The following SLC39A14 variants were observed in gnomAD, a reference collection of about 807,000 sequenced individuals.
The protein encoded by SLC39A14 is metal cation symporter ZIP14.
Under a neutral mutation model 45.5 loss-of-function variants are expected in SLC39A14, and 19 were observed. That is an observed-to-expected ratio of 0.42 (90% CI 0.29 to 0.61). The LOEUF is 0.61. Ranked by LOEUF, SLC39A14 falls within the 20% of genes least tolerant of loss-of-function variation. The pLI is 0.22. For missense variants in SLC39A14, 447 were observed against 616.5 expected (o/e 0.73, Z 2.91); for synonymous variants, 264 against 251.3 (o/e 1.05, Z -0.48).
chr8:22,415,927 G>A lies in SLC39A14; in HGVS notation c.909G>A (p.Glu303=). ...ELDGKAPMVD[E]KVIVGSLSVQ... ...ACGGCAAGGCGCCCATGGTGGACGA[G>A]AAGGTCATTGTGGGCTCGCTCTCTG... Residue 303 remains glutamate (E), a synonymous_variant, in exon 6 of 9, where the codon GAG becomes GAA. Coordinates refer to ENST00000381237, the MANE Select transcript of SLC39A14 (RefSeq NM_001128431.4). The A allele has an allele frequency of 6.2e-7, 1 of 1,608,092 alleles. No individual in the cohort carries two copies. Among genetic ancestry groups the A allele is most frequent in the Non-Finnish European group, 8.5e-7 (1 of 1,176,632 alleles).
At chr8:22,392,401 G>A (rs1465569355) in intron 1 of SLC39A14, among the ~76,000 whole-genome samples, 2 of 152,162 alleles carry the variant, frequency 1.3e-5, no homozygotes, top group Non-Finnish European at 2.9e-5. Context: ...GGCACGTCGT[G>A]TTGTCCAGTG....
chr8:22,379,499 CAG>C (rs1489791833), intron 1 of SLC39A14: 1 of 152,260 alleles, frequency 6.6e-6, no homozygotes, highest in Non-Finnish European at 1.5e-5. Context: ...CATGGTGACA[CAG>C]ATCTGAAAAC....
chr8:22,418,276 C>T (rs1325864986), intron 8 of SLC39A14, among the ~76,000 whole-genome samples: 2 of 152,116 alleles, frequency 1.3e-5, no homozygotes, highest in African/African-American at 4.8e-5. Context: ...TAAGGTGTAC[C>T]TACCATTCAG....
At chr8:22,370,960 T>G (rs986858680) in intron 1 of SLC39A14, among the ~76,000 whole-genome samples, 2 of 152,134 alleles carry the variant, frequency 1.3e-5, no homozygotes, top group African/African-American at 4.8e-5. Flanking sequence ...CATGCCCACC[T>G]AGGGGACAGG....
Position 22,420,049 on chromosome 8 carries a change from A to T in SLC39A14, c.*351A>T. On this transcript the variant is annotated 3_prime_UTR_variant, in exon 9 of 9. Coordinates refer to ENST00000381237, the MANE Select transcript of SLC39A14 (RefSeq NM_001128431.4). ...AAGGTTTTGAATCCTTTACCCAACA[A>T]TGCAAAAATAGAGCCAATGGTTATA... 2.0e-6 allele frequency: 2 copies of T among 1,012,662 alleles called. No individual in the cohort carries two copies. The highest frequency in any genetic ancestry group is 2.4e-6 in the Non-Finnish European group (2 of 847,586). 62.7% of individuals were successfully genotyped at this position (1,012,662 alleles called of 1,614,324 possible). A position where few individuals can be genotyped will look rare whatever the true frequency, so the allele number is the denominator to read the frequency against.
chr8:22,375,093 C>G (rs1833141314), intron 1 of SLC39A14, among the ~76,000 whole-genome samples: 1 of 152,146 alleles, frequency 6.6e-6, no homozygotes, highest in South Asian at 2.1e-4. Context: ...TCCATGTCCT[C>G]TGTACCAGTC....
chr8:22,431,793 T>C (rs1836471170), intron 8 of SLC39A14, among the ~76,000 whole-genome samples: 1 of 152,234 alleles, frequency 6.6e-6, no homozygotes, highest in African/African-American at 2.4e-5. Flanking sequence ...ATCCACCAGC[T>C]GAATGAAATT....
chr8:22,418,259 G>A (rs905037728), intron 8 of SLC39A14, among the ~76,000 whole-genome samples: 2 of 152,118 alleles, frequency 1.3e-5, no homozygotes, highest in South Asian at 2.1e-4. Context: ...CACAGAGTTC[G>A]TCTGTTTAAG....
intron 1 of SLC39A14, among the ~76,000 whole-genome samples, chr8:22,372,947 C>T (rs1041137517): frequency 1.3e-5 from 2 of 151,624 alleles, no homozygotes; most frequent in Non-Finnish European, 2.9e-5. Flanking sequence ...AAAAATAAGG[C>T]GATTACACGT....
At chr8:22,409,310 A>C (rs1835423217) in intron 3 of SLC39A14, among the ~76,000 whole-genome samples, 1 of 152,034 alleles carries the variant, frequency 6.6e-6, no homozygotes, top group Non-Finnish European at 1.5e-5. Context: ...CGGCACCCGG[A>C]ATATACTGTC....
intron 1 of SLC39A14, among the ~76,000 whole-genome samples, chr8:22,395,737 G>C (rs1197734988): frequency 6.6e-6 from 1 of 152,194 alleles, no homozygotes; most frequent in East Asian, 1.9e-4. Flanking sequence ...ATTCCTCCGT[G>C]TGGAGCAGTG....
At chr8:22,369,922 G>T (rs1174565701) in intron 1 of SLC39A14, among the ~76,000 whole-genome samples, 5 of 152,136 alleles carry the variant, frequency 3.3e-5, no homozygotes, top group Non-Finnish European at 7.4e-5. Flanking sequence ...CTCTTCCTTG[G>T]CAACATGGAT....
At chr8:22,397,402 G>A (rs868279434) in intron 1 of SLC39A14, among the ~76,000 whole-genome samples, 5 of 152,252 alleles carry the variant, frequency 3.3e-5, no homozygotes, top group South Asian at 4.1e-4. Flanking sequence ...CACAGTGAAA[G>A]CCGGTCTCTA....
chr8:22,421,919 G>C lies in SLC39A14; in HGVS notation c.*2221G>C, dbSNP rs1836249706. 1.0e-6 allele frequency: 1 copy of C among 985,410 alleles called. No homozygotes were observed. Among genetic ancestry groups the C allele is most frequent in the Non-Finnish European group, 1.2e-6 (1 of 829,926 alleles). 61.0% of individuals were successfully genotyped at this position (985,410 alleles called of 1,614,324 possible). A position where few individuals can be genotyped will look rare whatever the true frequency, so the allele number is the denominator to read the frequency against. On this transcript the variant is annotated 3_prime_UTR_variant, in exon 9 of 9. Transcript: ENST00000381237. ...AAGAAATTTCCTTCCATAGACAGCTGCCTCAAAGGGAAATCCTCTTTAAAC... is the reference window on the plus strand; with the variant it reads ...AAGAAATTTCCTTCCATAGACAGCTCCCTCAAAGGGAAATCCTCTTTAAAC...
At chr8:22,374,048 A>G (rs1833078919) in intron 1 of SLC39A14, among the ~76,000 whole-genome samples, 1 of 152,208 alleles carries the variant, frequency 6.6e-6, no homozygotes, top group Non-Finnish European at 1.5e-5. Context: ...CTGGGACTAA[A>G]GGCGTGAGCC....
rs142812632 is a variant in SLC39A14 at position 22,396,600 on chromosome 8, A to AC, written c.-15-8096_-15-8095insC. ...AGAGAGAGAGAGAGAGAGAGAGAGAAGACTAAGTGGAATTTGGAATTGGAT... is the reference window on the plus strand; with the variant it reads ...AGAGAGAGAGAGAGAGAGAGAGAGAACGACTAAGTGGAATTTGGAATTGGAT... On this transcript the variant is annotated intron_variant, in intron 1 of 8. Transcript: ENST00000381237. 7.5e-4 allele frequency among the ~76,000 whole-genome samples: 19 copies of AC among 25,168 alleles called. 7 individuals carry two copies. The highest frequency in any genetic ancestry group is 1.3e-3 in the African/African-American group (16 of 12,090). 16.5% of individuals were successfully genotyped at this position (25,168 alleles called of 152,430 possible).
At chr8:22,428,421 T>G (rs955585346) in intron 8 of SLC39A14, among the ~76,000 whole-genome samples, 4 of 151,738 alleles carry the variant, frequency 2.6e-5, no homozygotes, top group Non-Finnish European at 4.4e-5. Flanking sequence ...AAAAATTTTG[T>G]GTTCCTCGGT....
intron 1 of SLC39A14, among the ~76,000 whole-genome samples, chr8:22,375,009 G>C (rs1424545756): frequency 1.3e-5 from 2 of 151,760 alleles, no homozygotes; most frequent in Non-Finnish European, 2.9e-5. Flanking sequence ...GCCTCCCAGA[G>C]TGCTGGGATT....
intron 7 of SLC39A14, among the ~76,000 whole-genome samples, chr8:22,417,444 T>C (rs1047385603): frequency 1.3e-5 from 2 of 152,160 alleles, no homozygotes; most frequent in Admixed American, 1.3e-4. Flanking sequence ...CCCACACTTT[T>C]AGCAGTCTGA....
Sources: allele counts gnomAD v4.1 joint callset (sites outside exome capture counted in the v4.1 genomes callset), GRCh38; gene constraint gnomAD v4.1.1; transcripts MANE v1.5; gene names NCBI Gene and HGNC (gene_info 2026-07-23, HGNC 2026-07-21).